The following KANSL3 variants were observed in gnomAD, a reference collection of about 807,000 sequenced individuals.
KANSL3 encodes the protein NSL complex protein NSL3.
In KANSL3, 16 loss-of-function variants were observed where a neutral mutation model predicts 89.2. The observed-to-expected ratio is 0.18, with a 90% CI of 0.12 to 0.27. KANSL3 has a LOEUF of 0.27. Among genes scored for constraint, KANSL3 ranks in the 10% least tolerant of loss-of-function variants. The probability of loss-of-function intolerance (pLI) is 1.00; values close to 1 mark genes in which losing one functional copy is unlikely to be tolerated. For missense variants in KANSL3, 879 were observed against 1,110.6 expected, an observed-to-expected ratio of 0.79 and a Z score of 2.96; for synonymous variants, 385 against 419.7, an observed-to-expected ratio of 0.92 and a Z score of 1.01.
At chr2:96,632,513 AT>A (rs2073568154) in intron 2 of KANSL3, among the ~76,000 whole-genome samples, 1 of 152,150 alleles carries the variant, frequency 6.6e-6, no homozygotes, top group African/African-American at 2.4e-5. Flanking sequence ...TCAAGCTAAT[AT>A]TTTTAAAAGA....
chr2:96,601,140 C>T, intron 20 of KANSL3: 1 of 269,604 alleles, frequency 3.7e-6, no homozygotes, highest in Non-Finnish European at 5.7e-6. Flanking sequence ...TGGTGGCGGG[C>T]GCCTGTAATC....
chr2:96,634,177 G>A (rs1405456765), intron 2 of KANSL3: 1 of 152,224 alleles, frequency 6.6e-6, no homozygotes. Context: ...TTTGTACAGA[G>A]CCTAGAACAG....
rs1056525633 is a variant in KANSL3 at position 96,604,340 on chromosome 2, G to A, written c.2059C>T (p.Pro687Ser). ...SEGGVSASPV[P>S]SVVSSSTAPS... ...GCAGTGCTGCTGGAGACCACTGAAGGGACTGGGCTGGCTGAGACTCCACCT... is the reference window on the plus strand; with the variant it reads ...GCAGTGCTGCTGGAGACCACTGAAGAGACTGGGCTGGCTGAGACTCCACCT... Residue 687 changes from proline (P) to serine (S), a missense_variant, in exon 17 of 21, where the codon CCT becomes TCT. By Grantham distance (74) the Pro-to-Ser change is moderately conservative. Coordinates refer to ENST00000431828, the MANE Select transcript of KANSL3 (RefSeq NM_001115016.3). The A allele has an allele frequency of 6.2e-7, 1 of 1,613,060 alleles. No individual in the cohort carries two copies. Among genetic ancestry groups the A allele is most frequent in the Non-Finnish European group, 8.5e-7 (1 of 1,179,874 alleles).
At chr2:96,595,761 T>C (rs975557763) in intron 20 of KANSL3, 130 bp from the exon 21 acceptor site, 12 of 1,076,652 alleles carry the variant, frequency 1.1e-5, no homozygotes, top group African/African-American at 9.5e-5. Flanking sequence ...AGGAAAGAAG[T>C]TGGATACACA....
chr2:96,608,256 A>ATG (rs1425560895), intron 14 of KANSL3, among the ~76,000 whole-genome samples: 8 of 152,174 alleles, frequency 5.3e-5, no homozygotes, highest in African/African-American at 1.9e-4. Context: ...GCCAATATAC[A>ATG]TGTTCATAAA....
Position 96,601,730 on chromosome 2 carries a change from C to T in KANSL3, c.2529G>A (p.Pro843=), listed in dbSNP as rs374243905. Residue 843 remains proline, a synonymous_variant, in exon 20 of 21, where the codon CCG becomes CCA. Coordinates refer to ENST00000431828, the MANE Select transcript of KANSL3 (RefSeq NM_001115016.3). ...TAGGGCTCAGTGTAGTGATCCTGCT[C>T]GGCTGGCCACGAAGTGTCAGAGTAA... is the stretch of plus-strand genomic sequence containing the variant. ...TTITLTLRGQ[P]SRITTLSPMG... 219 of 1,598,952 alleles carry T rather than the reference C, an allele frequency of 1.4e-4. No individual in the cohort carries two copies. In the African/African-American group the frequency reaches 2.5e-3, roughly 18 times the overall value.
At chr2:96,599,718 C>G (rs955762991) in intron 20 of KANSL3, 1 of 608,204 alleles carries the variant, frequency 1.6e-6, no homozygotes, top group African/African-American at 2.0e-5. Flanking sequence ...TATACAAAGC[C>G]ACTATAATTC....
intron 6 of KANSL3, 27 bp from the exon 7 acceptor site, chr2:96,612,961 A>C (rs1257254500): frequency 1.5e-5 from 22 of 1,447,290 alleles, no homozygotes; most frequent in Non-Finnish European, 1.8e-5. Context: ...CCACCCAAAA[A>C]CCAGTGAGTG....
intron 12 of KANSL3, among the ~76,000 whole-genome samples, 153 bp downstream of exon 12, chr2:96,609,346 C>T (rs569420478): frequency 7.9e-5 from 12 of 152,292 alleles, no homozygotes; most frequent in Admixed American, 5.2e-4. Context: ...TAATTCACCA[C>T]TCTCATTTTT....
At chr2:96,624,727 G>A (rs1251043610) in intron 3 of KANSL3, among the ~76,000 whole-genome samples, 1 of 151,946 alleles carries the variant, frequency 6.6e-6, no homozygotes, top group African/African-American at 2.4e-5. Context: ...TCACCATGTT[G>A]GCCAGGCCGG....
At chr2:96,637,784 G>A (rs942216055) in intron 1 of KANSL3, among the ~76,000 whole-genome samples, 7 of 151,992 alleles carry the variant, frequency 4.6e-5, no homozygotes, top group Admixed American at 1.3e-4. Flanking sequence ...AATGAAAACT[G>A]CCCCCCCAAC....
chr2:96,601,860 C>A, intron 19 of KANSL3, 84 bp from the exon 20 acceptor site: 1 of 1,465,420 alleles, frequency 6.8e-7, no homozygotes, highest in African/African-American at 1.4e-5. Flanking sequence ...GAGCTTCTCC[C>A]CCACATAACA....
At chr2:96,610,140 T>A (rs2068661308) in intron 11 of KANSL3, among the ~76,000 whole-genome samples, 1 of 151,998 alleles carries the variant, frequency 6.6e-6, no homozygotes, top group African/African-American at 2.4e-5. Flanking sequence ...TAAATTACAG[T>A]ATCATGTAGA....
At chr2:96,621,970 C>T (rs930811989) in intron 3 of KANSL3, among the ~76,000 whole-genome samples, 3 of 151,794 alleles carry the variant, frequency 2.0e-5, no homozygotes, top group African/African-American at 7.3e-5. Flanking sequence ...AAAACTTAGC[C>T]GGGTGTGGTG....
rs557921029 is a variant in KANSL3 at position 96,622,935 on chromosome 2, C to T, written c.387-3173G>A. On this transcript the variant is annotated intron_variant, in intron 3 of 20. Coordinates refer to ENST00000431828, the MANE Select transcript of KANSL3 (RefSeq NM_001115016.3). ...TCTGCTGAGGCTTGCTCTGACCTATCCCTATTTAACACTGTAACCCTCCAG... is the reference window on the plus strand; with the variant it reads ...TCTGCTGAGGCTTGCTCTGACCTATTCCTATTTAACACTGTAACCCTCCAG... Among the ~76,000 whole-genome samples, 5 of 152,334 alleles carry T rather than the reference C, an allele frequency of 3.3e-5. No homozygotes were observed. In the East Asian group the frequency reaches 9.6e-4, roughly 29 times the overall value.
At chr2:96,631,562 A>G (rs1283425473) in intron 2 of KANSL3, 80 bp from the exon 3 acceptor site, 6 of 1,494,634 alleles carry the variant, frequency 4.0e-6, no homozygotes, top group Middle Eastern at 1.7e-4. Flanking sequence ...CAAAAAATGT[A>G]TCTTTAATAC....
intron 3 of KANSL3, chr2:96,628,171 G>A: frequency 7.8e-7 from 1 of 1,285,880 alleles, no homozygotes; most frequent in South Asian, 1.2e-5. Flanking sequence ...CTATTCCGTG[G>A]ACTCATCTTG....
In KANSL3 at chr2:96,605,481, C is replaced by T; in HGVS notation, c.1772G>A (p.Gly591Glu). The change falls in exon 15 of 21, where the codon GGA (glycine) becomes GAA (glutamate). Residue 591 changes from glycine (G) to glutamate (E), a missense_variant. Coordinates refer to ENST00000431828, the MANE Select transcript of KANSL3 (RefSeq NM_001115016.3). ...CTGAACCCTAAGATCCTCTTTCTCTCCTTCCTCTGGTGGTTCTGATGAAAT... is the reference window on the plus strand; with the variant it reads ...CTGAACCCTAAGATCCTCTTTCTCTTCTTCCTCTGGTGGTTCTGATGAAAT... Reference protein sequence around the residue: ...VPISSEPPEEGEKEDLRVQLK... With the variant: ...VPISSEPPEEEEKEDLRVQLK... The T allele has an allele frequency of 6.2e-7, 1 of 1,613,826 alleles. No homozygotes were observed. The highest frequency in any genetic ancestry group is 8.5e-7 in the Non-Finnish European group (1 of 1,179,772).
At chr2:96,612,075 T>C (rs1210261029) in intron 9 of KANSL3, among the ~76,000 whole-genome samples, 1 of 152,058 alleles carries the variant, frequency 6.6e-6, no homozygotes, top group Non-Finnish European at 1.5e-5. Context: ...GGGTTTATTA[T>C]ACTACACCTG....
Sources: gnomAD v4.1 joint callset for allele counts (sites outside exome capture counted in the v4.1 genomes callset) on GRCh38, gnomAD v4.1.1 for gene constraint, MANE v1.5 for transcripts, NCBI Gene and HGNC (gene_info 2026-07-23, HGNC 2026-07-21) for gene names.